Variants in CNTN5 observed in about 807,000 individuals in gnomAD.
CNTN5 encodes contactin 5.
In CNTN5, 77 loss-of-function variants were observed where a neutral mutation model predicts 129.1. The ratio of observed to expected loss-of-function variants is 0.60; its 90% confidence interval spans 0.50 to 0.72. The LOEUF (loss-of-function observed/expected upper bound fraction) is 0.72, where lower values mean the gene tolerates loss of function less well. CNTN5 is among the 30% of genes least tolerant of loss of function. The pLI is 0.00. For missense variants in CNTN5, 1,478 were observed against 1,328.8 expected (o/e 1.11, Z -1.75); for synonymous variants, 509 against 465.6 (o/e 1.09, Z -1.20).
At chr11:100,169,207 G>T (rs1303624544) in intron 13 of CNTN5, among the ~76,000 whole-genome samples, 4 of 151,994 alleles carry the variant, frequency 2.6e-5, no homozygotes, top group Non-Finnish European at 5.9e-5. Context: ...TAAAACTGTG[G>T]CAGGGTTTGA....
intron 13 of CNTN5, among the ~76,000 whole-genome samples, chr11:100,163,085 C>T (rs925929625): frequency 5.9e-5 from 9 of 151,734 alleles, no homozygotes; most frequent in African/African-American, 2.2e-4. Context: ...GAGTACTTGG[C>T]AAAAATTATC....
intron 3 of CNTN5, among the ~76,000 whole-genome samples, chr11:99,610,105 T>A (rs1360478640): frequency 6.6e-6 from 1 of 152,170 alleles, no homozygotes; most frequent in African/African-American, 2.4e-5. Context: ...TTTGTCAGTC[T>A]AGTTCAAAAG....
intron 3 of CNTN5, among the ~76,000 whole-genome samples, chr11:99,575,306 A>C (rs1233555342): frequency 6.6e-6 from 1 of 152,170 alleles, no homozygotes; most frequent in African/African-American, 2.4e-5. Context: ...AGGCTAAATG[A>C]TGCTGTTGGC....
intron 15 of CNTN5, 95 bp downstream of exon 15, chr11:100,193,758 A>G: frequency 1.0e-6 from 1 of 965,612 alleles, no homozygotes; most frequent in Non-Finnish European, 1.5e-6. Flanking sequence ...GCTAAGAAAA[A>G]AAAAAACAGA....
chr11:99,568,022 C>T (rs1949062995), intron 3 of CNTN5, among the ~76,000 whole-genome samples: 1 of 151,984 alleles, frequency 6.6e-6, no homozygotes, highest in African/African-American at 2.4e-5. Flanking sequence ...GAAATAAGAG[C>T]AAATTTGTGT....
intron 3 of CNTN5, among the ~76,000 whole-genome samples, chr11:99,713,217 A>G (rs2134972545): frequency 6.6e-6 from 1 of 152,088 alleles, no homozygotes; most frequent in East Asian, 1.9e-4. Context: ...TGTAAGTCGG[A>G]TTCCTAGGCA....
intron 1 of CNTN5, among the ~76,000 whole-genome samples, chr11:99,223,078 A>G (rs1343465094): frequency 6.6e-6 from 1 of 152,150 alleles, no homozygotes; most frequent in Non-Finnish European, 1.5e-5. Flanking sequence ...AATCAGATGC[A>G]GTGCCTACCA....
intron 3 of CNTN5, among the ~76,000 whole-genome samples, chr11:99,648,593 T>C (rs1952048894): frequency 6.6e-6 from 1 of 151,798 alleles, no homozygotes; most frequent in South Asian, 2.1e-4. Flanking sequence ...AGTAAGTATG[T>C]CAAAGAGATA....
intron 1 of CNTN5, among the ~76,000 whole-genome samples, chr11:99,041,373 TTAAAAA>T (rs1453817433): frequency 6.6e-6 from 1 of 152,156 alleles, no homozygotes; most frequent in African/African-American, 2.4e-5. Flanking sequence ...TGGTACAGTC[TTAAAAA>T]TAAAAGTAAG....
chr11:99,819,769 A>C lies in CNTN5; in HGVS notation c.277+4A>C. On this transcript the variant is annotated splice_donor_region_variant and intron_variant, in intron 4 of 24. Transcript: ENST00000524871. ...TCAGATGCCTTCAAACAAGATGGTA[A>C]GTGTCAAAGGAAAATGGCTCCAGAT... is the stretch of plus-strand genomic sequence containing the variant. 1 of 1,553,450 alleles carries C rather than the reference A, an allele frequency of 6.4e-7. No individual in the cohort carries two copies. Among genetic ancestry groups the C allele is most frequent in the Non-Finnish European group, 8.7e-7 (1 of 1,144,026 alleles).
chr11:99,407,578 A>C (rs1256325028), intron 2 of CNTN5, among the ~76,000 whole-genome samples: 1 of 152,132 alleles, frequency 6.6e-6, no homozygotes, highest in Non-Finnish European at 1.5e-5. Flanking sequence ...TCAGTAGGTC[A>C]TGTCCCTCTA....
At position 99,824,535 on chromosome 11, in the gene CNTN5, GTAACT is replaced by G. The variant is rs1946894943; in HGVS notation, c.277+4777_277+4781del. Among the ~76,000 whole-genome samples, 6 of 151,920 alleles carry G rather than the reference GTAACT, an allele frequency of 3.9e-5. No homozygotes were observed. In the South Asian group the frequency reaches 1.0e-3, roughly 26 times the overall value. On this transcript the variant is annotated intron_variant, in intron 4 of 24. Transcript: ENST00000524871. ...CATTGCGGATATATTTTCTCAGAAT[GTAACT>G]TAACTTTTTACTTTGTCAGTAGTAC...
intron 2 of CNTN5, among the ~76,000 whole-genome samples, chr11:99,494,775 T>C (rs1393723239): frequency 1.3e-5 from 2 of 152,180 alleles, no homozygotes; most frequent in African/African-American, 4.8e-5. Flanking sequence ...TGTCGTTTGA[T>C]TTTCCAGTGC....
chr11:99,493,355 C>A (rs1431862672), intron 2 of CNTN5, among the ~76,000 whole-genome samples: 1 of 152,146 alleles, frequency 6.6e-6, no homozygotes, highest in Non-Finnish European at 1.5e-5. Context: ...GTATAAAGTA[C>A]TTTTATTTGG....
At chr11:99,854,702 G>A (rs1352145198) in intron 6 of CNTN5, among the ~76,000 whole-genome samples, 1 of 152,126 alleles carries the variant, frequency 6.6e-6, no homozygotes, top group African/African-American at 2.4e-5. Context: ...CTGACTTTCA[G>A]GAGAAAATAC....
intron 2 of CNTN5, among the ~76,000 whole-genome samples, chr11:99,376,099 A>G (rs1239157474): frequency 6.6e-6 from 1 of 152,176 alleles, no homozygotes; most frequent in Non-Finnish European, 1.5e-5. Context: ...GCGAGGTAGG[A>G]TGACTCACAA....
intron 3 of CNTN5, among the ~76,000 whole-genome samples, chr11:99,688,120 T>C (rs1953873156): frequency 6.6e-6 from 1 of 152,178 alleles, no homozygotes; most frequent in South Asian, 2.1e-4. Flanking sequence ...ATTTCTTACT[T>C]GAAGAATCTA....
At chr11:100,206,866 A>ATATATATTAATATATATT in intron 15 of CNTN5, among the ~76,000 whole-genome samples, 2 of 152,076 alleles carry the variant, frequency 1.3e-5, no homozygotes, top group African/African-American at 4.8e-5. Context: ...TTTGCTAAAC[A>ATATATATTAATATATATT]AAATATATAT....
rs966221511 is a variant in CNTN5 at position 99,262,792 on chromosome 11, G to A, written c.-209-62554G>A. Among the ~76,000 whole-genome samples, 10 of 151,758 alleles carry A rather than the reference G, an allele frequency of 6.6e-5. 1 individual carries two copies. Among genetic ancestry groups the A allele is most frequent in the African/African-American group, 2.4e-4 (10 of 41,334 alleles). ...GAATTCTTTTATTTAAAATATTTAT[G>A]CATTTCTTCATATTTATGAGTTAGA... On this transcript the variant is annotated intron_variant, in intron 1 of 24. Coordinates refer to ENST00000524871, the MANE Select transcript of CNTN5 (RefSeq NM_014361.4).
Sources: gnomAD v4.1 joint callset for allele counts (sites outside exome capture counted in the v4.1 genomes callset) on GRCh38, gnomAD v4.1.1 for gene constraint, MANE v1.5 for transcripts, NCBI Gene and HGNC (gene_info 2026-07-23, HGNC 2026-07-21) for gene names.